ROBO2: variants seen among roughly 807,000 people sequenced by gnomAD.
ROBO2 encodes the protein roundabout guidance receptor 2, also known as roundabout homolog 2.
A neutral mutation model predicts 160.8 loss-of-function variants in ROBO2; 53 were observed. The ratio of observed to expected loss-of-function variants is 0.33; its 90% CI spans 0.26 to 0.41. The LOEUF (loss-of-function observed/expected upper bound fraction) is 0.41. ROBO2 is among the 10% of genes least tolerant of loss of function. ROBO2 has a pLI of 1.00. For synonymous variants in ROBO2, 664 were observed against 611.7 expected (o/e 1.09, Z -1.26); for missense variants, 1,577 against 1,722.4 (o/e 0.92, Z 1.49).
At chr3:76,469,657 A>T (rs1000818046) in intron 2 of ROBO2, among the ~76,000 whole-genome samples, 1 of 152,032 alleles carries the variant, frequency 6.6e-6, no homozygotes, top group Non-Finnish European at 1.5e-5. Flanking sequence ...TAGAAGGTAG[A>T]ATGACTATTC....
chr3:76,622,249 A>ACATAGCCAG (rs2089219234), intron 2 of ROBO2, among the ~76,000 whole-genome samples: 3 of 52,668 alleles, frequency 5.7e-5, no homozygotes, highest in African/African-American at 8.1e-5. Flanking sequence ...AAAGAAAGAA[A>ACATAGCCAG]GAAAGAAAGA....
At chr3:77,263,414 T>C (rs991901554) in intron 2 of ROBO2, among the ~76,000 whole-genome samples, 1 of 152,134 alleles carries the variant, frequency 6.6e-6, no homozygotes, top group African/African-American at 2.4e-5. Context: ...CCACCGTCCA[T>C]TATCTGATAG....
intron 2 of ROBO2, among the ~76,000 whole-genome samples, chr3:77,300,687 C>T (rs938773410): frequency 1.3e-5 from 2 of 151,928 alleles, no homozygotes; most frequent in African/African-American, 4.8e-5. Flanking sequence ...ATGACTTTTA[C>T]TTTCTCACTA....
intron 2 of ROBO2, among the ~76,000 whole-genome samples, chr3:76,882,296 G>A (rs2073431770): frequency 6.6e-6 from 1 of 152,102 alleles, no homozygotes; most frequent in Non-Finnish European, 1.5e-5. Flanking sequence ...TTCTCGCAGA[G>A]GTGAAACAAG....
At chr3:76,382,650 T>C (rs1012439195) in intron 2 of ROBO2, among the ~76,000 whole-genome samples, 1 of 152,180 alleles carries the variant, frequency 6.6e-6, no homozygotes, top group African/African-American at 2.4e-5. Flanking sequence ...TAATCTTCTA[T>C]GATTGTTCAA....
intron 2 of ROBO2, among the ~76,000 whole-genome samples, chr3:76,925,779 GA>G (rs2076955341): frequency 6.6e-6 from 1 of 152,078 alleles, no homozygotes. Context: ...TCTGGTGACC[GA>G]AACAAGTTGT....
At chr3:75,942,008 C>A (rs74878595) in intron 2 of ROBO2, among the ~76,000 whole-genome samples, 2 of 152,124 alleles carry the variant, frequency 1.3e-5, no homozygotes, top group East Asian at 3.9e-4. Context: ...TCCTTACAAT[C>A]GTTTCCCAGT....
intron 2 of ROBO2, among the ~76,000 whole-genome samples, chr3:76,939,334 T>C (rs1394518013): frequency 6.6e-6 from 1 of 152,236 alleles, no homozygotes; most frequent in Non-Finnish European, 1.5e-5. Context: ...TAGAATAAAT[T>C]ATCAAAATTC....
intron 2 of ROBO2, among the ~76,000 whole-genome samples, chr3:77,336,688 C>T (rs1288820589): frequency 2.0e-5 from 3 of 152,166 alleles, no homozygotes; most frequent in African/African-American, 4.8e-5. Flanking sequence ...AAAGCAGATA[C>T]AACCTTGTAT....
intron 2 of ROBO2, among the ~76,000 whole-genome samples, chr3:77,381,805 C>T (rs1241543054): frequency 3.3e-5 from 5 of 152,160 alleles, no homozygotes; most frequent in African/African-American, 1.2e-4. Context: ...ACTTTTGCTA[C>T]TATTTTGTTT....
intron 2 of ROBO2, among the ~76,000 whole-genome samples, chr3:76,247,734 C>T (rs1276532625): frequency 1.3e-5 from 2 of 152,006 alleles, no homozygotes; most frequent in Non-Finnish European, 2.9e-5. Flanking sequence ...AAAATTTTCG[C>T]AACCTACTCA....
At chr3:76,959,094 A>T (rs2079476371) in intron 2 of ROBO2, among the ~76,000 whole-genome samples, 1 of 152,178 alleles carries the variant, frequency 6.6e-6, no homozygotes, top group Admixed American at 6.5e-5. Context: ...ACCAGCCAAG[A>T]TGTATAAAAA....
At chr3:77,504,582 C>T (rs1372297138) in intron 5 of ROBO2, among the ~76,000 whole-genome samples, 1 of 152,110 alleles carries the variant, frequency 6.6e-6, no homozygotes, top group Non-Finnish European at 1.5e-5. Flanking sequence ...AAAGAAAATG[C>T]TTTTGTCTTC....
At chr3:76,788,208 A>G (rs1016398176) in intron 2 of ROBO2, among the ~76,000 whole-genome samples, 1 of 151,456 alleles carries the variant, frequency 6.6e-6, no homozygotes, top group African/African-American at 2.4e-5. Context: ...ATAATAATAA[A>G]AAATAGACTT....
chr3:76,477,167 G>A (rs1243435678), intron 2 of ROBO2, among the ~76,000 whole-genome samples: 2 of 152,108 alleles, frequency 1.3e-5, no homozygotes, highest in Non-Finnish European at 2.9e-5. Context: ...CTCAGTAAAG[G>A]TGAATTCTTC....
At chr3:76,370,995 C>G (rs1047602925) in intron 2 of ROBO2, among the ~76,000 whole-genome samples, 1 of 151,908 alleles carries the variant, frequency 6.6e-6, no homozygotes, top group South Asian at 2.1e-4. Context: ...TTGCACTCAC[C>G]CTAGAAAAGG....
At chr3:76,533,448 T>C (rs17014324) in intron 2 of ROBO2, among the ~76,000 whole-genome samples, 9 of 152,216 alleles carry the variant, frequency 5.9e-5, no homozygotes, top group South Asian at 2.1e-4. Flanking sequence ...AGAGGAAAAA[T>C]TGCTCATGTG....
intron 2 of ROBO2, among the ~76,000 whole-genome samples, chr3:76,168,201 A>G (rs2072907887): frequency 6.6e-6 from 1 of 152,128 alleles, no homozygotes; most frequent in Admixed American, 6.5e-5. Flanking sequence ...TTTAGAGTAA[A>G]CCTATGTCAT....
At chr3:76,791,116 T>A (rs1431557490) in intron 2 of ROBO2, among the ~76,000 whole-genome samples, 1 of 151,774 alleles carries the variant, frequency 6.6e-6, no homozygotes, top group Non-Finnish European at 1.5e-5. Context: ...TTCGCCAGTG[T>A]GATGAAGAAA....
Sources: gnomAD v4.1 joint callset for allele counts (sites outside exome capture counted in the v4.1 genomes callset) on GRCh38, gnomAD v4.1.1 for gene constraint, MANE v1.5 for transcripts, NCBI Gene and HGNC (gene_info 2026-07-23, HGNC 2026-07-21) for gene names.